The following RAB2A variants were observed in gnomAD, a reference collection of about 807,000 sequenced individuals.
The protein encoded by RAB2A is RAB2A, member RAS oncogene family.
RAB2A carries 7 observed loss-of-function variants against 32.5 expected under a neutral mutation model. That is an observed-to-expected ratio of 0.22 (90% CI 0.12 to 0.40). The LOEUF is 0.40. Ranked by LOEUF, RAB2A falls within the 10% of genes least tolerant of loss-of-function variation. The pLI is 1.00. For synonymous variants in RAB2A, 79 were observed against 85.2 expected, an observed-to-expected ratio of 0.93 and a Z score of 0.40; for missense variants, 108 against 260.7, an observed-to-expected ratio of 0.41 and a Z score of 4.03.
chr8:60,614,204 G>C (rs763157609), intron 6 of RAB2A, among the ~76,000 whole-genome samples: 1 of 151,310 alleles, frequency 6.6e-6, no homozygotes, highest in African/African-American at 2.4e-5. Context: ...CACAATATCC[G>C]TGAGACCTGC....
At chr8:60,552,001 G>GTTTTTTTTTTTTTTTTTTTTTTTT (rs78161048) in intron 1 of RAB2A, 1 of 109,750 alleles carries the variant, frequency 9.1e-6, no homozygotes, top group African/African-American at 3.6e-5. Context: ...GTAGCTGGGA[G>GTTTTTTTTTTTTTTTTTTTTTTTT]TTTTTTTTTT....
chr8:60,557,063 T>A (rs1807950178), intron 1 of RAB2A, among the ~76,000 whole-genome samples: 1 of 152,208 alleles, frequency 6.6e-6, no homozygotes, highest in Admixed American at 6.5e-5. Flanking sequence ...AACTGTTCTT[T>A]TGTCTTCTGT....
chr8:60,523,253 A>T (rs1230680444), intron 1 of RAB2A, among the ~76,000 whole-genome samples: 2 of 149,962 alleles, frequency 1.3e-5, no homozygotes, highest in Non-Finnish European at 3.0e-5. Flanking sequence ...TGCCTCCTGG[A>T]TTCACGCCAT....
intron 6 of RAB2A, among the ~76,000 whole-genome samples, chr8:60,609,593 G>T (rs151233573): frequency 6.6e-6 from 1 of 152,078 alleles, no homozygotes; most frequent in African/African-American, 2.4e-5. Context: ...TTATGCTTTG[G>T]TCCCATTTGT....
chr8:60,576,971 C>A (rs944268786), intron 3 of RAB2A, among the ~76,000 whole-genome samples: 1 of 152,206 alleles, frequency 6.6e-6, no homozygotes, highest in African/African-American at 2.4e-5. Context: ...TACCTCCCAC[C>A]TGTGGTCTCC....
intron 1 of RAB2A, among the ~76,000 whole-genome samples, chr8:60,533,650 A>AT (rs1563460703): frequency 1.3e-5 from 2 of 151,896 alleles, no homozygotes; most frequent in South Asian, 2.1e-4. Context: ...TTTGCAGTTG[A>AT]TTTTTTTTCT....
chr8:60,550,975 C>A (rs1178770598), intron 1 of RAB2A, among the ~76,000 whole-genome samples: 1 of 152,144 alleles, frequency 6.6e-6, no homozygotes, highest in Non-Finnish European at 1.5e-5. Flanking sequence ...TTCTTCTTAA[C>A]TGTTTCCTTG....
chr8:60,532,219 G>T (rs944227471), intron 1 of RAB2A, among the ~76,000 whole-genome samples: 25 of 152,296 alleles, frequency 1.6e-4, no homozygotes, highest in African/African-American at 5.8e-4. Context: ...AGAAGTCTTT[G>T]ATATAAATAA....
At chr8:60,546,458 T>C (rs2130820776) in intron 1 of RAB2A, among the ~76,000 whole-genome samples, 1 of 152,274 alleles carries the variant, frequency 6.6e-6, no homozygotes, top group South Asian at 2.1e-4. Flanking sequence ...TTGCTAGATC[T>C]CCAAACAGGG....
chr8:60,584,874 T>A lies in RAB2A; in HGVS notation c.362+59T>A, dbSNP rs1014999425. The A allele has an allele frequency of 4.9e-6, 6 of 1,235,290 alleles. 1 individual carries two copies. The Middle Eastern group carries it at 6.0e-4, about 123-fold the overall frequency. 76.5% of individuals were successfully genotyped at this position (1,235,290 alleles called of 1,614,324 possible). A position where few individuals can be genotyped will look rare whatever the true frequency, so the allele number is the denominator to read the frequency against. Reference sequence around the variant, plus strand: ...AGTGATGAAGACTGTACTGTTTATTTGACTACTTTCCTTAACATTTGTTCA... The same window carrying A: ...AGTGATGAAGACTGTACTGTTTATTAGACTACTTTCCTTAACATTTGTTCA... On this transcript the variant is annotated intron_variant, in intron 5 of 7. Coordinates refer to ENST00000262646, the MANE Select transcript of RAB2A (RefSeq NM_002865.3).
chr8:60,594,196 G>C (rs1803987102), intron 6 of RAB2A, among the ~76,000 whole-genome samples: 1 of 152,112 alleles, frequency 6.6e-6, no homozygotes. Flanking sequence ...AAAAGGAATG[G>C]CTCTGAAAAA....
At chr8:60,597,879 A>C (rs1462020396) in intron 6 of RAB2A, among the ~76,000 whole-genome samples, 1 of 152,220 alleles carries the variant, frequency 6.6e-6, no homozygotes, top group Non-Finnish European at 1.5e-5. Flanking sequence ...GACATAAAAG[A>C]GGTAATTAGG....
At chr8:60,577,716 C>T (rs1006691842) in intron 3 of RAB2A, among the ~76,000 whole-genome samples, 15 of 151,878 alleles carry the variant, frequency 9.9e-5, no homozygotes, top group African/African-American at 2.2e-4. Context: ...CTTCGCCTGC[C>T]GGGTTCACGC....
rs188579528 is a variant in RAB2A at position 60,530,628 on chromosome 8, T to C, written c.46+13375T>C. Among the ~76,000 whole-genome samples, 12 of 152,308 alleles carry C rather than the reference T, an allele frequency of 7.9e-5. No homozygotes were observed. In the East Asian group the frequency reaches 2.3e-3, roughly 29 times the overall value. On this transcript the variant is annotated intron_variant, in intron 1 of 7. Coordinates refer to ENST00000262646, the MANE Select transcript of RAB2A (RefSeq NM_002865.3). ...TTTAAAAAAGGCCTATTTTTTAATG[T>C]AGCCCATTTCTATATTTTTAAAAAT...
At chr8:60,558,527 A>C in intron 1 of RAB2A, 1 of 489,566 alleles carries the variant, frequency 2.0e-6, no homozygotes, top group East Asian at 5.6e-5. Context: ...AACACAAAAA[A>C]CAAAAGTGCA....
At chr8:60,526,322 C>T (rs191269138) in intron 1 of RAB2A, among the ~76,000 whole-genome samples, 90 of 152,186 alleles carry the variant, frequency 5.9e-4, no homozygotes, top group African/African-American at 2.1e-3. Context: ...CTAGAGTCCA[C>T]CCACCTACCC....
intron 6 of RAB2A, among the ~76,000 whole-genome samples, chr8:60,617,904 A>C (rs1387520195): frequency 6.6e-6 from 1 of 152,198 alleles, no homozygotes; most frequent in Non-Finnish European, 1.5e-5. Context: ...GCTTCTGGCA[A>C]CCAGTAATCT....
chr8:60,537,978 G>A (rs1419678006), intron 1 of RAB2A, among the ~76,000 whole-genome samples: 3 of 152,098 alleles, frequency 2.0e-5, no homozygotes, highest in Non-Finnish European at 4.4e-5. Context: ...ATGCCTGGCC[G>A]TATAGCCCAG....
rs147830333 is a variant in RAB2A, at chr8:60,519,235, G to A, written c.46+1982G>A. Among the ~76,000 whole-genome samples, 1,120 of 152,336 alleles carry A rather than the reference G, an allele frequency of 7.4e-3. 53 individuals are homozygous for A. Among genetic ancestry groups the A allele is most frequent in the Admixed American group, 0.065 (989 of 15,298 alleles). ...AGTTTAGTCATCCTGAAGCATGAATGTCAAAAGGCTACTCCTGTTTGCTCA... is the reference window on the plus strand; with the variant it reads ...AGTTTAGTCATCCTGAAGCATGAATATCAAAAGGCTACTCCTGTTTGCTCA... On this transcript the variant is annotated intron_variant, in intron 1 of 7. Transcript: ENST00000262646.
Sources: gnomAD v4.1 joint callset for allele counts (sites outside exome capture counted in the v4.1 genomes callset) on GRCh38, gnomAD v4.1.1 for gene constraint, MANE v1.5 for transcripts, NCBI Gene and HGNC (gene_info 2026-07-23, HGNC 2026-07-21) for gene names.